ADCY1: variants seen among roughly 807,000 people sequenced by gnomAD.
ADCY1 encodes the protein adenylate cyclase 1, also known as adenylate cyclase type 1.
In ADCY1, 28 loss-of-function variants were observed where a neutral mutation model predicts 105.4. That is an observed-to-expected ratio of 0.27 (90% CI 0.20 to 0.36). The LOEUF (loss-of-function observed/expected upper bound fraction) is 0.36. Among genes scored for constraint, ADCY1 ranks in the 10% least tolerant of loss-of-function variants. The pLI, the probability that ADCY1 is intolerant of heterozygous loss-of-function variation, is 1.00. For missense variants in ADCY1, 977 were observed against 1,434.2 expected (o/e 0.68, Z 5.15); for synonymous variants, 655 against 623.8 (o/e 1.05, Z -0.75).
intron 1 of ADCY1, among the ~76,000 whole-genome samples, chr7:45,584,473 T>C (rs1236101510): frequency 6.6e-6 from 1 of 152,220 alleles, no homozygotes; most frequent in Non-Finnish European, 1.5e-5. Flanking sequence ...AGCAGGGCCA[T>C]GCCTGGGACA....
At chr7:45,668,777 G>A (rs1784310509) in intron 8 of ADCY1, among the ~76,000 whole-genome samples, 1 of 152,162 alleles carries the variant, frequency 6.6e-6, no homozygotes, top group Non-Finnish European at 1.5e-5. Flanking sequence ...TTTTTGGTTG[G>A]TAAGCTATTA....
At chr7:45,660,315 G>C in intron 7 of ADCY1, 132 bp downstream of exon 7, 12 of 1,279,358 alleles carry the variant, frequency 9.4e-6, no homozygotes, top group Non-Finnish European at 1.3e-5. Context: ...AAGATGGGGA[G>C]AGTTGTCCCC....
intron 8 of ADCY1, chr7:45,664,451 G>A (rs1795216068): frequency 1.3e-6 from 2 of 1,529,836 alleles, no homozygotes; most frequent in Non-Finnish European, 1.7e-6. Flanking sequence ...TATCCCCCAG[G>A]GCATTCACGC....
Position 45,721,944 on chromosome 7 carries a change from TGTG to T in ADCY1, c.*7951_*7953del. ...AACTCCCAAGAGATCTATTAAATCTTGTGGGCTGAATAAATATCTCGTGCAGGA... is the reference window on the plus strand; with the variant it reads ...AACTCCCAAGAGATCTATTAAATCTTGGCTGAATAAATATCTCGTGCAGGA... On this transcript the variant is annotated 3_prime_UTR_variant, in exon 20 of 20. Coordinates refer to ENST00000297323, the MANE Select transcript of ADCY1 (RefSeq NM_021116.4). 3 of 398,072 alleles carry T rather than the reference TGTG, an allele frequency of 7.5e-6. No homozygotes were observed. The highest frequency in any genetic ancestry group is 1.3e-5 in the Non-Finnish European group (3 of 225,926). 24.7% of individuals were successfully genotyped at this position (398,072 alleles called of 1,614,324 possible). A position where few individuals can be genotyped will look rare whatever the true frequency, so the allele number is the denominator to read the frequency against.
chr7:45,703,273 G>A lies in ADCY1; in HGVS notation c.2455-103G>A, dbSNP rs1785036647. On this transcript the variant is annotated intron_variant, in intron 14 of 19. Transcript: ENST00000297323. This position sits in a 1 kb window ranked among gnomAD's most constrained non-coding sequence, Gnocchi z 5.9. ...ACAGGAGCGTGGATGTAGACCATCA[G>A]CACACCTGGAGTCCAGTTTGGATGA... 10 of 1,063,158 alleles carry A rather than the reference G, an allele frequency of 9.4e-6. No homozygotes were observed. The highest frequency in any genetic ancestry group is 1.5e-5 in the Non-Finnish European group (10 of 687,784). 65.9% of individuals were successfully genotyped at this position (1,063,158 alleles called of 1,614,324 possible). A position where few individuals can be genotyped will look rare whatever the true frequency, so the allele number is the denominator to read the frequency against.
At chr7:45,712,207 A>G (rs1238276048) in intron 19 of ADCY1, among the ~76,000 whole-genome samples, 1 of 143,480 alleles carries the variant, frequency 7.0e-6, no homozygotes, top group African/African-American at 2.5e-5. Flanking sequence ...AATGTTAAAT[A>G]TATTAAATTA....
At chr7:45,650,806 C>T (rs1249405630) in intron 5 of ADCY1, among the ~76,000 whole-genome samples, 1 of 152,168 alleles carries the variant, frequency 6.6e-6, no homozygotes, top group Non-Finnish European at 1.5e-5. Context: ...GCTGTTTCTG[C>T]AGACGTGCCT....
At chr7:45,622,586 C>G (rs767498031) in intron 3 of ADCY1, 46 bp from the exon 4 acceptor site, 8 of 1,372,162 alleles carry the variant, frequency 5.8e-6, no homozygotes, top group Non-Finnish European at 8.3e-6. Context: ...GGATTATTTC[C>G]TGAGTGACTG....
chr7:45,658,164 A>T (rs948646210), intron 6 of ADCY1, among the ~76,000 whole-genome samples: 1 of 152,130 alleles, frequency 6.6e-6, no homozygotes, highest in Non-Finnish European at 1.5e-5. Context: ...GCGTGTGGGG[A>T]CCTCTGCCCA....
intron 8 of ADCY1, among the ~76,000 whole-genome samples, chr7:45,669,884 C>G (rs925645836): frequency 4.6e-5 from 7 of 152,078 alleles, no homozygotes; most frequent in Non-Finnish European, 1.0e-4. Flanking sequence ...TTGCTTTCTC[C>G]TTTTCATCCT....
At chr7:45,604,085 C>T (rs991490935) in intron 2 of ADCY1, among the ~76,000 whole-genome samples, 1 of 152,160 alleles carries the variant, frequency 6.6e-6, no homozygotes, top group African/African-American at 2.4e-5. Context: ...AGTACAGTTG[C>T]TGGGTCATAT....
At chr7:45,587,912 G>C (rs1156520133) in intron 1 of ADCY1, among the ~76,000 whole-genome samples, 2 of 152,138 alleles carry the variant, frequency 1.3e-5, no homozygotes, top group African/African-American at 4.8e-5. Flanking sequence ...CTCCGTAAAG[G>C]TTTTCTCTTT....
intron 5 of ADCY1, among the ~76,000 whole-genome samples, chr7:45,652,548 A>G (rs377702315): frequency 2.6e-5 from 4 of 152,212 alleles, no homozygotes; most frequent in African/African-American, 7.2e-5. Context: ...TATCGCTTTG[A>G]AGAATGTTTA....
intron 4 of ADCY1, among the ~76,000 whole-genome samples, chr7:45,644,104 A>C (rs1794594244): frequency 6.6e-6 from 1 of 152,200 alleles, no homozygotes; most frequent in Admixed American, 6.5e-5. Context: ...TTTTGGATGC[A>C]GTCACTTTCG....
chr7:45,610,850 T>TGGTGAAGGTG (rs1194246422), intron 3 of ADCY1, among the ~76,000 whole-genome samples: 16 of 11,194 alleles, frequency 1.4e-3, no homozygotes, highest in South Asian at 3.3e-3. Context: ...GGAGGCGATA[T>TGGTGAAGGTG]TGGAGTTGTG....
At chr7:45,705,634 A>T (rs1221490907) in intron 17 of ADCY1, among the ~76,000 whole-genome samples, 1 of 152,224 alleles carries the variant, frequency 6.6e-6, no homozygotes, top group Admixed American at 6.5e-5. Flanking sequence ...ATGGAGGGAA[A>T]CTAAATGCTC....
At chr7:45,581,908 T>C (rs1792558873) in intron 1 of ADCY1, among the ~76,000 whole-genome samples, 1 of 151,942 alleles carries the variant, frequency 6.6e-6, no homozygotes, top group Non-Finnish European at 1.5e-5. Flanking sequence ...CTCACACTCA[T>C]TCTCCCCCCA....
intron 8 of ADCY1, among the ~76,000 whole-genome samples, chr7:45,667,708 A>G (rs542904352): frequency 2.0e-5 from 3 of 152,140 alleles, no homozygotes; most frequent in Non-Finnish European, 4.4e-5. Flanking sequence ...TGAATCTATA[A>G]ATTACCTTGG....
Position 45,592,985 on chromosome 7 carries a change from C to A in ADCY1, c.789+77C>A, listed in dbSNP as rs1384243561. ...GGTGGAAGAAGCTGGCTTCCTGAGC[C>A]TCAGTTTACCCCGTGGTGACATGGG... is the stretch of plus-strand genomic sequence containing the variant. On this transcript the variant is annotated intron_variant, in intron 2 of 19. Coordinates refer to ENST00000297323, the MANE Select transcript of ADCY1 (RefSeq NM_021116.4). 2.5e-6 allele frequency: 4 copies of A among 1,575,552 alleles called. No homozygotes were observed. In the African/African-American group the frequency reaches 5.4e-5, roughly 21 times the overall value.
Sources: allele counts gnomAD v4.1 joint callset (sites outside exome capture counted in the v4.1 genomes callset), GRCh38; gene constraint gnomAD v4.1.1; non-coding constraint Gnocchi (gnomAD v3.1); transcripts MANE v1.5; gene names NCBI Gene and HGNC (gene_info 2026-07-23, HGNC 2026-07-21).